The following GSG1L variants were observed in gnomAD, a reference collection of about 807,000 sequenced individuals.
GSG1L encodes the protein GSG1 like, also known as germ cell-specific gene 1-like protein.
In GSG1L, 24 loss-of-function variants were observed where a neutral mutation model predicts 42.1. The observed-to-expected ratio is 0.57, with a 90% CI of 0.41 to 0.80. The LOEUF (loss-of-function observed/expected upper bound fraction) is 0.80, where lower values mean the gene tolerates loss of function less well. Ranked by LOEUF, GSG1L falls within the 30% of genes least tolerant of loss-of-function variation. The pLI, the probability that GSG1L is intolerant of heterozygous loss-of-function variation, is 0.00. For synonymous variants in GSG1L, 215 were observed against 203.5 expected, an observed-to-expected ratio of 1.06 and a Z score of -0.48; for missense variants, 445 against 472.2, an observed-to-expected ratio of 0.94 and a Z score of 0.53.
In GSG1L at chr16:28,063,335, C is replaced by T; in HGVS notation, c.90G>A (p.Thr30=). ...CCCGCTGCGTGCCCTGGCACCAGTG[C>T]GTGGTGAGGAAAGCGGTGGTGGCGA... ...LLFATTAFLT[T]HWCQGTQRVP... is the part of the protein sequence containing the mutation. The change falls in exon 1 of 7, where the codon ACG becomes ACA. Residue 30 remains threonine, a synonymous_variant. Transcript: ENST00000447459. The surrounding 1 kb of genome is among the most constrained non-coding windows in gnomAD (Gnocchi z 5.8). 7.1e-7 allele frequency: 1 copy of T among 1,403,818 alleles called. No homozygotes were observed. 87.0% of individuals were successfully genotyped at this position (1,403,818 alleles called of 1,614,324 possible). A position where few individuals can be genotyped will look rare whatever the true frequency, so the allele number is the denominator to read the frequency against.
chr16:27,918,279 G>A (rs2084482180), intron 2 of GSG1L, among the ~76,000 whole-genome samples: 1 of 152,114 alleles, frequency 6.6e-6, no homozygotes, highest in Admixed American at 6.5e-5. Context: ...TTGACACCCA[G>A]CAGAAAAAAA....
intron 2 of GSG1L, among the ~76,000 whole-genome samples, chr16:27,922,472 G>A (rs567481358): frequency 3.3e-5 from 5 of 151,866 alleles, no homozygotes; most frequent in Non-Finnish European, 5.9e-5. Context: ...GATCACCCCC[G>A]ACCCGATCGA....
intron 2 of GSG1L, among the ~76,000 whole-genome samples, chr16:27,952,281 G>A (rs1488781003): frequency 6.6e-6 from 1 of 152,248 alleles, no homozygotes; most frequent in Non-Finnish European, 1.5e-5. Context: ...TGCAGTGCTT[G>A]TGTTGAGGGA....
chr16:27,830,661 G>A (rs1412412992), intron 4 of GSG1L, among the ~76,000 whole-genome samples: 2 of 152,146 alleles, frequency 1.3e-5, no homozygotes, highest in African/African-American at 4.8e-5. Context: ...TGTCCAGCAT[G>A]TGACTCACCA....
At chr16:27,854,974 C>A (rs544480174) in intron 3 of GSG1L, among the ~76,000 whole-genome samples, 5 of 152,280 alleles carry the variant, frequency 3.3e-5, no homozygotes, top group Admixed American at 3.3e-4. Context: ...CAGAAATTCA[C>A]ATGCTTGAGC....
Position 27,966,270 on chromosome 16 carries a change from G to A in GSG1L, c.350-3067C>T, listed in dbSNP as rs140963594. 2.8e-4 allele frequency among the ~76,000 whole-genome samples: 43 copies of A among 152,248 alleles called. 1 individual carries two copies. Among genetic ancestry groups the A allele is most frequent in the African/African-American group, 1.0e-3 (42 of 41,544 alleles). On this transcript the variant is annotated intron_variant, in intron 1 of 6. Transcript: ENST00000447459. ...ATTCCTAACAGCTACAACAGAACCT[G>A]GTGTGTACAGTGACTGCTTAATAAA...
intron 5 of GSG1L, chr16:27,823,733 C>T: frequency 3.1e-6 from 2 of 644,984 alleles, no homozygotes; most frequent in South Asian, 1.7e-5. Flanking sequence ...CATGGGACTC[C>T]CTTTACTCTC....
At position 27,979,841 on chromosome 16, in the gene GSG1L, A is replaced by AAAGG. The variant is rs1317457612; in HGVS notation, c.350-16642_350-16639dup. On this transcript the variant is annotated intron_variant, in intron 1 of 6. Transcript: ENST00000447459. ...AAGAAAGAAAGAGAGAGAGAGAGAG[A>AAAGG]AAGGAAGGAAGGAAAAGAGAAAGAA... is the stretch of plus-strand genomic sequence containing the variant. Among the ~76,000 whole-genome samples, 3 of 150,378 alleles carry AAAGG rather than the reference A, an allele frequency of 2.0e-5. No individual in the cohort carries two copies. The East Asian group carries it at 5.8e-4, about 29-fold the overall frequency.
At chr16:27,794,205 A>G (rs2082791264) in intron 6 of GSG1L, among the ~76,000 whole-genome samples, 1 of 151,978 alleles carries the variant, frequency 6.6e-6, no homozygotes. Context: ...TTTTGTAGAG[A>G]TGGGGTCTCG....
rs144543025 is a variant in GSG1L at position 27,895,409 on chromosome 16, C to G, written c.398-10771G>C. On this transcript the variant is annotated intron_variant, in intron 2 of 6. Transcript: ENST00000447459. ...AGCATTCGAGTTTCCAGCCTTGTCTCCCTATACGACGAAATCAGTCATTTC... is the reference window on the plus strand; with the variant it reads ...AGCATTCGAGTTTCCAGCCTTGTCTGCCTATACGACGAAATCAGTCATTTC... 4.8e-3 allele frequency among the ~76,000 whole-genome samples: 735 copies of G among 152,240 alleles called. 7 individuals carry two copies. Among genetic ancestry groups the G allele is most frequent in the African/African-American group, 0.015 (604 of 41,526 alleles).
At chr16:27,993,975 T>C (rs2141137356) in intron 1 of GSG1L, among the ~76,000 whole-genome samples, 1 of 152,298 alleles carries the variant, frequency 6.6e-6, no homozygotes, top group South Asian at 2.1e-4. Flanking sequence ...CATCCATTTC[T>C]TATAAAAGGC....
chr16:27,830,151 C>T (rs2083259789), intron 4 of GSG1L, among the ~76,000 whole-genome samples: 1 of 152,162 alleles, frequency 6.6e-6, no homozygotes, highest in South Asian at 2.1e-4. Flanking sequence ...ACTATGCATT[C>T]AACGTTTAGT....
chr16:27,797,773 G>A (rs2082834930), intron 6 of GSG1L, among the ~76,000 whole-genome samples: 1 of 140,180 alleles, frequency 7.1e-6, no homozygotes, highest in South Asian at 2.3e-4. Flanking sequence ...AGTGAGCCGA[G>A]ATTGCACCAC....
intron 1 of GSG1L, among the ~76,000 whole-genome samples, chr16:28,030,749 AGGATGGAATG>A (rs1334576998): frequency 4.2e-5 from 4 of 95,790 alleles, no homozygotes; most frequent in African/African-American, 1.2e-4. Context: ...GGGATGGGTT[AGGATGGAATG>A]GGATGGGATG....
chr16:27,794,226 C>A (rs1309969005), intron 6 of GSG1L, among the ~76,000 whole-genome samples: 1 of 152,198 alleles, frequency 6.6e-6, no homozygotes, highest in Non-Finnish European at 1.5e-5. Context: ...CTCTGTTCCA[C>A]AGCCTGGTCT....
At chr16:27,906,500 T>G (rs1342190675) in intron 2 of GSG1L, among the ~76,000 whole-genome samples, 3 of 152,108 alleles carry the variant, frequency 2.0e-5, no homozygotes, top group African/African-American at 4.8e-5. Context: ...GAGGAGGTGT[T>G]GAGATGTTAG....
At chr16:27,850,023 CTT>C (rs57543425) in intron 3 of GSG1L, among the ~76,000 whole-genome samples, 14 of 70,062 alleles carry the variant, frequency 2.0e-4, no homozygotes, top group South Asian at 1.2e-3. Flanking sequence ...TTTGAAATGC[CTT>C]TTTTTTTTTT....
chr16:27,993,949 T>C (rs909457734), intron 1 of GSG1L, among the ~76,000 whole-genome samples: 2 of 152,290 alleles, frequency 1.3e-5, no homozygotes, highest in Admixed American at 1.3e-4. Flanking sequence ...CTTATGCAAA[T>C]GAGACACCCA....
At chr16:27,897,972 C>CAAGT (rs1429691455) in intron 2 of GSG1L, among the ~76,000 whole-genome samples, 1 of 152,224 alleles carries the variant, frequency 6.6e-6, no homozygotes, top group East Asian at 1.9e-4. Context: ...CCCAGAAAAA[C>CAAGT]AAGTCCTTTC....
Sources: allele counts gnomAD v4.1 joint callset (sites outside exome capture counted in the v4.1 genomes callset), GRCh38; gene constraint gnomAD v4.1.1; non-coding constraint Gnocchi (gnomAD v3.1); transcripts MANE v1.5; gene names NCBI Gene and HGNC (gene_info 2026-07-23, HGNC 2026-07-21).